CEP41: variants seen among roughly 807,000 people sequenced by gnomAD.
The protein encoded by CEP41 is centrosomal protein 41, also known as centrosomal protein of 41 kDa.
CEP41 carries 32 observed loss-of-function variants against 44.3 expected under a neutral mutation model. The observed-to-expected ratio is 0.72, with a 90% CI of 0.54 to 0.97. The LOEUF (loss-of-function observed/expected upper bound fraction) is 0.97, where lower values mean the gene tolerates loss of function less well. CEP41 is among the 50% of genes least tolerant of loss of function. CEP41 has a pLI of 0.00. For missense variants in CEP41, 432 were observed against 455.2 expected, an observed-to-expected ratio of 0.95 and a Z score of 0.46; for synonymous variants, 151 against 168.5, an observed-to-expected ratio of 0.90 and a Z score of 0.80.
In CEP41 at chr7:130,400,728, T is replaced by A; in HGVS notation, c.736A>T (p.Asn246Tyr). Reference protein sequence around the residue: ...ATTMCERGFENLFMLSGGLKV... With the variant: ...ATTMCERGFEYLFMLSGGLKV... The stretch of plus-strand genomic sequence containing the variant: ...TCACCTCCGGAAAGCATGAAGAGGT[T>A]TTCAAATCCACGCTCGCACATGGTG... Residue 246 changes from asparagine (N) to tyrosine (Y), a missense_variant, in exon 9 of 11, where the codon AAC becomes TAC. By Grantham distance (143) the Asn-to-Tyr change is moderately radical. Transcript: ENST00000223208. The A allele has an allele frequency of 6.2e-7, 1 of 1,612,818 alleles. No homozygotes were observed. The highest frequency in any genetic ancestry group is 8.5e-7 in the Non-Finnish European group (1 of 1,179,220).
intron 1 of CEP41, among the ~76,000 whole-genome samples, chr7:130,431,451 T>C (rs1454494142): frequency 6.6e-6 from 1 of 152,170 alleles, no homozygotes; most frequent in Admixed American, 6.5e-5. Flanking sequence ...GCCATCCAGC[T>C]TTCACTGACT....
intron 1 of CEP41, among the ~76,000 whole-genome samples, chr7:130,430,068 C>T (rs781799998): frequency 7.9e-5 from 12 of 152,098 alleles, no homozygotes; most frequent in Non-Finnish European, 1.2e-4. Context: ...TAAACATTTA[C>T]GTATAAAATA....
At chr7:130,408,496 A>G (rs1797078479) in intron 5 of CEP41, among the ~76,000 whole-genome samples, 1 of 152,254 alleles carries the variant, frequency 6.6e-6, no homozygotes, top group Non-Finnish European at 1.5e-5. Context: ...CACACAGAGC[A>G]TAATCTTACT....
At chr7:130,422,689 A>G (rs2117651823) in intron 2 of CEP41, among the ~76,000 whole-genome samples, 1 of 152,290 alleles carries the variant, frequency 6.6e-6, no homozygotes, top group South Asian at 2.1e-4. Flanking sequence ...AAAATCGAAC[A>G]CTAGAATAAG....
chr7:130,393,808 T>G lies in CEP41; in HGVS notation c.*5083A>C, dbSNP rs1562970633. ...GGTTTACTGAATGAATGGCTAGACCTATCAGGAAAACAGCCTACTTTTTTC... is the reference window on the plus strand; with the variant it reads ...GGTTTACTGAATGAATGGCTAGACCGATCAGGAAAACAGCCTACTTTTTTC... On this transcript the variant is annotated 3_prime_UTR_variant, in exon 11 of 11. Coordinates refer to ENST00000223208, the MANE Select transcript of CEP41 (RefSeq NM_018718.3). The G allele has an allele frequency of 8.8e-6, 4 of 453,926 alleles. No homozygotes were observed. Among genetic ancestry groups the G allele is most frequent in the Non-Finnish European group, 1.8e-5 (4 of 226,774 alleles). The allele number at this position is 453,926 out of a possible 1,614,324, so 28.1% of individuals were successfully genotyped here.
At chr7:130,421,877 G>A in intron 2 of CEP41, 1 of 1,505,474 alleles carries the variant, frequency 6.6e-7, no homozygotes, top group South Asian at 1.3e-5. Flanking sequence ...ACCCAGAGAG[G>A]GTGCTTGAGA....
intron 8 of CEP41, 33 bp from the exon 9 acceptor site, chr7:130,400,854 C>A: frequency 7.3e-7 from 1 of 1,375,810 alleles, no homozygotes; most frequent in African/African-American, 1.4e-5. Context: ...TTCCAAGGCA[C>A]TGGGCTGATG....
chr7:130,404,715 T>C lies in CEP41; in HGVS notation c.278-7A>G. Reference sequence around the variant, plus strand: ...GAAGCTGCAGAATCATTGTCTAATATTTACAAATGAAGAAATAATTAGATT... The same window carrying C: ...GAAGCTGCAGAATCATTGTCTAATACTTACAAATGAAGAAATAATTAGATT... On this transcript the variant is annotated splice_region_variant and splice_polypyrimidine_tract_variant and intron_variant, in intron 5 of 10. Transcript: ENST00000223208. The C allele has an allele frequency of 6.3e-7, 1 of 1,599,946 alleles. No individual in the cohort carries two copies. Among genetic ancestry groups the C allele is most frequent in the Non-Finnish European group, 8.6e-7 (1 of 1,167,158 alleles).
chr7:130,417,895 C>T (rs1009891445), intron 2 of CEP41, among the ~76,000 whole-genome samples: 66 of 152,174 alleles, frequency 4.3e-4, no homozygotes, highest in Non-Finnish European at 7.1e-4. Flanking sequence ...AAAAGAAATG[C>T]TTTCAATTAA....
chr7:130,419,238 T>C, intron 2 of CEP41: 11 of 985,404 alleles, frequency 1.1e-5, no homozygotes, highest in African/African-American at 1.7e-5. Context: ...TGAGTTCTTT[T>C]CACTATAGAC....
chr7:130,412,738 C>A (rs1797221510), intron 3 of CEP41, among the ~76,000 whole-genome samples: 1 of 152,224 alleles, frequency 6.6e-6, no homozygotes, highest in African/African-American at 2.4e-5. Context: ...AATATTATTC[C>A]TGCCATTACA....
rs146534304 is a variant in CEP41, at chr7:130,404,482, G to GAA, written c.422+80_422+81dup. 2.0e-4 allele frequency: 211 copies of GAA among 1,065,432 alleles called. No individual in the cohort carries two copies. In the Middle Eastern group the frequency reaches 2.1e-3, roughly 11 times the overall value. 66.0% of individuals were successfully genotyped at this position (1,065,432 alleles called of 1,614,324 possible). ...CCTGCCAGTTCTGTTTCTAAGGCAA[G>GAA]AAAAAAAAAAGATCCCTGAAATTGG... On this transcript the variant is annotated intron_variant, in intron 6 of 10. Transcript: ENST00000223208.
At chr7:130,410,262 CG>C (rs1328801941) in intron 5 of CEP41, among the ~76,000 whole-genome samples, 3 of 151,910 alleles carry the variant, frequency 2.0e-5, no homozygotes, top group Non-Finnish European at 2.9e-5. Context: ...CTCCTGACCT[CG>C]TGATCTGCCC....
intron 1 of CEP41, among the ~76,000 whole-genome samples, chr7:130,436,101 C>G (rs1226258678): frequency 2.0e-5 from 3 of 152,162 alleles, no homozygotes; most frequent in African/African-American, 7.2e-5. Context: ...TTGCAGTGAG[C>G]TGAGATGGTG....
At chr7:130,440,734 G>T (rs1373734282) in intron 1 of CEP41, 200 bp downstream of exon 1, 4 of 635,362 alleles carry the variant, frequency 6.3e-6, no homozygotes, top group Non-Finnish European at 1.1e-5. Context: ...GGGAGAGATC[G>T]CTCCTCAAAA....
At chr7:130,440,839 G>T in intron 1 of CEP41, 95 bp downstream of exon 1, 5 of 1,336,564 alleles carry the variant, frequency 3.7e-6, no homozygotes, top group Non-Finnish European at 4.1e-6. Context: ...CCGCCTTCCG[G>T]GCGGCGGAAG....
chr7:130,407,206 G>A (rs11982223), intron 5 of CEP41, among the ~76,000 whole-genome samples: 29,170 of 150,962 alleles, frequency 0.19, 2,830 homozygotes, highest in African/African-American at 0.21. Context: ...ACTAATCCCA[G>A]AGGGATTTTT....
At position 130,395,820 on chromosome 7, in the gene CEP41, T is replaced by A. The variant is rs1014058037; in HGVS notation, c.*3071A>T. The stretch of plus-strand genomic sequence containing the variant: ...CTAATGAATGTTATTTGGTCTCTTT[T>A]CATTCGGATTTATACCAAGCCCAAT... On this transcript the variant is annotated 3_prime_UTR_variant, in exon 11 of 11. Coordinates refer to ENST00000223208, the MANE Select transcript of CEP41 (RefSeq NM_018718.3). The A allele has an allele frequency of 4.4e-6, 2 of 453,650 alleles. No individual in the cohort carries two copies. The highest frequency in any genetic ancestry group is 1.6e-5 in the South Asian group (1 of 64,400). The allele number at this position is 453,650 out of a possible 1,614,324, so 28.1% of individuals were successfully genotyped here. A position where few individuals can be genotyped will look rare whatever the true frequency, so the allele number is the denominator to read the frequency against.
At chr7:130,436,765 G>A (rs6947476) in intron 1 of CEP41, among the ~76,000 whole-genome samples, 48,802 of 152,002 alleles carry the variant, frequency 0.32, 8,016 homozygotes, top group Middle Eastern at 0.42. Flanking sequence ...TGGGCACAGT[G>A]GCTCACACCT....
Sources: gnomAD v4.1 joint callset for allele counts (sites outside exome capture counted in the v4.1 genomes callset) on GRCh38, gnomAD v4.1.1 for gene constraint, MANE v1.5 for transcripts, NCBI Gene and HGNC (gene_info 2026-07-23, HGNC 2026-07-21) for gene names.